The following GCH1 variants were observed in gnomAD, a reference collection of about 807,000 sequenced individuals.
GCH1 encodes GTP cyclohydrolase 1.
GCH1 carries 5 observed loss-of-function variants against 25.9 expected under a neutral mutation model. That is an observed-to-expected ratio of 0.19 (90% CI 0.10 to 0.41). The LOEUF (loss-of-function observed/expected upper bound fraction) is 0.41. Ranked by LOEUF, GCH1 falls within the 10% of genes least tolerant of loss-of-function variation. The pLI is 1.00. For synonymous variants in GCH1, 159 were observed against 129.6 expected (o/e 1.23, Z -1.54); for missense variants, 261 against 336.5 (o/e 0.78, Z 1.75).
intron 1 of GCH1, among the ~76,000 whole-genome samples, chr14:54,880,301 T>C (rs893222136): frequency 2.0e-5 from 3 of 147,744 alleles, no homozygotes; most frequent in African/African-American, 7.4e-5. Flanking sequence ...CCAATGTATT[T>C]TGATTAAACT....
intron 3 of GCH1, among the ~76,000 whole-genome samples, chr14:54,856,401 G>A (rs2039812203): frequency 6.6e-6 from 1 of 152,106 alleles, no homozygotes. Context: ...ATGGCTACCT[G>A]AGATACTACA....
intron 1 of GCH1, among the ~76,000 whole-genome samples, chr14:54,879,301 G>C (rs986646452): frequency 1.3e-5 from 2 of 151,646 alleles, no homozygotes; most frequent in Admixed American, 6.6e-5. Context: ...TGCACCCGTA[G>C]TCCCAGCTAC....
rs557542040 is a variant in GCH1, at chr14:54,871,056, T to G, written c.344-5620A>C. On this transcript the variant is annotated intron_variant, in intron 1 of 5. Transcript: ENST00000491895. ...AGAATGGACAGACTGCCTCCTAAAGTGGGTCCCTGACCCCCGAGTAGCCTA... is the reference window on the plus strand; with the variant it reads ...AGAATGGACAGACTGCCTCCTAAAGGGGGTCCCTGACCCCCGAGTAGCCTA... 6.6e-5 allele frequency among the ~76,000 whole-genome samples: 10 copies of G among 152,226 alleles called. No individual in the cohort carries two copies. In the South Asian group the frequency reaches 1.4e-3, roughly 22 times the overall value.
At chr14:54,901,626 G>A (rs954958680) in intron 1 of GCH1, among the ~76,000 whole-genome samples, 1 of 152,138 alleles carries the variant, frequency 6.6e-6, no homozygotes, top group Admixed American at 6.5e-5. Context: ...TGCTTTTTGC[G>A]GGGTTGGGGG....
intron 1 of GCH1, 41 bp from the exon 2 acceptor site, chr14:54,865,477 T>C (rs1435786204): frequency 1.3e-5 from 12 of 913,152 alleles, no homozygotes; most frequent in South Asian, 9.4e-5. Context: ...TCCAATTTTA[T>C]AGAAAGGTAG....
chr14:54,849,950 C>T (rs888034117), intron 3 of GCH1, among the ~76,000 whole-genome samples: 6 of 152,020 alleles, frequency 3.9e-5, no homozygotes, highest in Non-Finnish European at 7.4e-5. Flanking sequence ...GCTAATTCTG[C>T]AAGTTTCTTA....
chr14:54,845,103 G>C (rs576206240), intron 5 of GCH1, among the ~76,000 whole-genome samples: 1 of 151,986 alleles, frequency 6.6e-6, no homozygotes, highest in African/African-American at 2.4e-5. Flanking sequence ...AACCTGGGAG[G>C]CAGAGGTTGC....
intron 1 of GCH1, among the ~76,000 whole-genome samples, chr14:54,873,311 A>T (rs891050456): frequency 6.6e-6 from 1 of 152,236 alleles, no homozygotes; most frequent in African/African-American, 2.4e-5. Context: ...ACAAAGACAC[A>T]ACATACCAGA....
rs753942108 is a variant in GCH1, at chr14:54,865,420, A to T, written c.360T>A (p.Ala120=). ...TCTCATCATGATCTTCATCAAATAT[A>T]GCATCGTTTAGGACATCTGAAATCA... The part of the protein sequence containing the change: ...QETISDVLND[A]IFDEDHDEMV... Residue 120 remains alanine (A), a synonymous_variant, in exon 2 of 6, where the codon GCT becomes GCA. Coordinates refer to ENST00000491895, the MANE Select transcript of GCH1 (RefSeq NM_000161.3). 3.2e-6 allele frequency: 5 copies of T among 1,552,566 alleles called. No homozygotes were observed. Among genetic ancestry groups the T allele is most frequent in the Non-Finnish European group, 3.6e-6 (4 of 1,124,648 alleles).
chr14:54,860,686 G>A (rs1217422609), intron 2 of GCH1, among the ~76,000 whole-genome samples: 1 of 151,934 alleles, frequency 6.6e-6, no homozygotes, highest in Non-Finnish European at 1.5e-5. Flanking sequence ...GACTACAGGC[G>A]CCTGCCACCA....
intron 1 of GCH1, among the ~76,000 whole-genome samples, chr14:54,899,907 C>T (rs547941819): frequency 2.6e-5 from 4 of 151,836 alleles, no homozygotes; most frequent in Non-Finnish European, 5.9e-5. Flanking sequence ...TCTTGTTGCC[C>T]AGGCTGGAGT....
intron 1 of GCH1, among the ~76,000 whole-genome samples, chr14:54,868,393 A>G (rs1454305910): frequency 2.0e-5 from 3 of 152,082 alleles, no homozygotes; most frequent in Non-Finnish European, 2.9e-5. Flanking sequence ...CTCCAAATAG[A>G]GTGACAGGGC....
intron 4 of GCH1, 116 bp from the exon 5 acceptor site, chr14:54,845,968 A>G: frequency 1.4e-6 from 1 of 734,874 alleles, no homozygotes; most frequent in South Asian, 1.4e-5. Flanking sequence ...TTTAAGAGCC[A>G]AGACACACCA....
chr14:54,889,308 C>T (rs948389451), intron 1 of GCH1, among the ~76,000 whole-genome samples: 2 of 152,212 alleles, frequency 1.3e-5, no homozygotes, highest in Admixed American at 6.5e-5. Context: ...AGCCCTTCCT[C>T]ACTGCTAACG....
rs1055904097 is a variant in GCH1 at position 54,842,960 on chromosome 14, G to A, written c.*1057C>T. ...TTTTCACAGATCGTTGGTACGATAC[G>A]CTTTGGTTAAAACGTTGGACACAGC... is the stretch of plus-strand genomic sequence containing the variant. On this transcript the variant is annotated 3_prime_UTR_variant, in exon 6 of 6. Coordinates refer to ENST00000491895, the MANE Select transcript of GCH1 (RefSeq NM_000161.3). The A allele has an allele frequency of 7.7e-5, 56 of 723,916 alleles. No individual in the cohort carries two copies. The highest frequency in any genetic ancestry group is 7.2e-4 in the African/African-American group (41 of 57,058). 44.8% of individuals were successfully genotyped at this position (723,916 alleles called of 1,614,324 possible). A position where few individuals can be genotyped will look rare whatever the true frequency, so the allele number is the denominator to read the frequency against.
At chr14:54,849,337 A>AT (rs1671566734) in intron 3 of GCH1, among the ~76,000 whole-genome samples, 1 of 150,246 alleles carries the variant, frequency 6.7e-6, no homozygotes, top group Non-Finnish European at 1.5e-5. Context: ...GCTTCCCTAG[A>AT]TTAAAAAAAA....
intron 1 of GCH1, among the ~76,000 whole-genome samples, chr14:54,868,040 G>A (rs951876295): frequency 1.3e-5 from 2 of 152,034 alleles, no homozygotes; most frequent in Non-Finnish European, 2.9e-5. Context: ...TCACCTCTGC[G>A]GTATTCTTCC....
intron 3 of GCH1, among the ~76,000 whole-genome samples, chr14:54,850,321 T>C (rs1208389784): frequency 2.0e-5 from 3 of 147,276 alleles, no homozygotes; most frequent in Non-Finnish European, 3.0e-5. Context: ...TTTTTTTTTT[T>C]TTTCCCCCGA....
intron 1 of GCH1, among the ~76,000 whole-genome samples, chr14:54,870,400 CCA>C (rs2040053849): frequency 6.6e-6 from 1 of 150,802 alleles, no homozygotes; most frequent in Non-Finnish European, 1.5e-5. Context: ...AGGGACAGCT[CCA>C]GTCTACAGCT....
Sources: gnomAD v4.1 joint callset for allele counts (sites outside exome capture counted in the v4.1 genomes callset) on GRCh38, gnomAD v4.1.1 for gene constraint, MANE v1.5 for transcripts, NCBI Gene and HGNC (gene_info 2026-07-23, HGNC 2026-07-21) for gene names.